The following AHCYL2 variants were observed in gnomAD, a reference collection of about 807,000 sequenced individuals.
The protein encoded by AHCYL2 is adenosylhomocysteinase like 2.
Under a neutral mutation model 81.4 loss-of-function variants are expected in AHCYL2, and 28 were observed. The ratio of observed to expected loss-of-function variants is 0.34; its 90% confidence interval spans 0.25 to 0.47. AHCYL2 has a LOEUF of 0.47. Ranked by LOEUF, AHCYL2 falls within the 20% of genes least tolerant of loss-of-function variation. The pLI is 1.00. For synonymous variants in AHCYL2, 272 were observed against 290.2 expected (o/e 0.94, Z 0.64); for missense variants, 551 against 785.1 (o/e 0.70, Z 3.56).
rs1056316869 is a variant in AHCYL2, at chr7:129,322,037, A to G, written c.364-57601A>G. ...GTGATCCACCTGCCTTGGCCCCCCAAAGTGCTGGGATTACAGGCTAGTTCT... is the reference window on the plus strand; with the variant it reads ...GTGATCCACCTGCCTTGGCCCCCCAGAGTGCTGGGATTACAGGCTAGTTCT... On this transcript the variant is annotated intron_variant, in intron 1 of 16. Transcript: ENST00000325006. Among the ~76,000 whole-genome samples, 30 of 151,424 alleles carry G rather than the reference A, an allele frequency of 2.0e-4. 1 individual carries two copies. Among genetic ancestry groups the G allele is most frequent in the Middle Eastern group, 7.0e-3 (2 of 286 alleles).
In AHCYL2 at chr7:129,280,889, G is replaced by C. The variant is rs562929235; in HGVS notation, c.363+55450G>C. 3.7e-4 allele frequency among the ~76,000 whole-genome samples: 55 copies of C among 147,918 alleles called. No individual in the cohort carries two copies. In the Middle Eastern group the frequency reaches 0.01, roughly 28 times the overall value. ...ATTCTTTTTTTTTTTTTTTGAGACAGAGTCTCGCTCTGTCGCCCAGGCTGG... is the reference window on the plus strand; with the variant it reads ...ATTCTTTTTTTTTTTTTTTGAGACACAGTCTCGCTCTGTCGCCCAGGCTGG... On this transcript the variant is annotated intron_variant, in intron 1 of 16. Transcript: ENST00000325006.
At chr7:129,369,837 C>T (rs1037534426) in intron 1 of AHCYL2, among the ~76,000 whole-genome samples, 2 of 152,106 alleles carry the variant, frequency 1.3e-5, no homozygotes, top group African/African-American at 4.8e-5. Context: ...CAGGTGTGAG[C>T]CACCACGCTC....
Position 129,266,124 on chromosome 7 carries a change from C to T in AHCYL2, c.363+40685C>T, listed in dbSNP as rs1795803545. On this transcript the variant is annotated intron_variant, in intron 1 of 16. Transcript: ENST00000325006. Reference sequence around the variant, plus strand: ...GTTTTAGTATATTCCTGTTTCTTGTCTCCTTTTCTTTTTTCTCAGTGCACA... The same window carrying T: ...GTTTTAGTATATTCCTGTTTCTTGTTTCCTTTTCTTTTTTCTCAGTGCACA... 2.0e-5 allele frequency among the ~76,000 whole-genome samples: 3 copies of T among 152,172 alleles called. No individual in the cohort carries two copies. The South Asian group carries it at 6.2e-4, about 32-fold the overall frequency.
In AHCYL2 at chr7:129,379,738, G is replaced by T; in HGVS notation, c.464G>T (p.Ser155Ile). The stretch of plus-strand genomic sequence containing the variant: ...TCCATTTCTCAGTCATCTACTGACA[G>T]CTACAGCTCAGGTGAGTACTGAACT... ...SRSISQSSTD[S>I]YSSAASYTDS... The change falls in exon 2 of 17, where the codon AGC becomes ATC. Residue 155 changes from serine (S) to isoleucine (I), a missense_variant. This residue lies in a region of AHCYL2 where 235 missense variants were observed against 242.1 expected (regional missense o/e 0.97). Coordinates refer to ENST00000325006, the MANE Select transcript of AHCYL2 (RefSeq NM_015328.4). 6.2e-7 allele frequency: 1 copy of T among 1,613,928 alleles called. No homozygotes were observed. Among genetic ancestry groups the T allele is most frequent in the Non-Finnish European group, 8.5e-7 (1 of 1,179,908 alleles).
chr7:129,278,453 T>TA (rs1796302538), intron 1 of AHCYL2, among the ~76,000 whole-genome samples: 1 of 152,208 alleles, frequency 6.6e-6, no homozygotes, highest in Admixed American at 6.5e-5. Context: ...ATATTCTAGA[T>TA]ATAAGTCCTT....
chr7:129,282,634 A>G (rs2150741398), intron 1 of AHCYL2, among the ~76,000 whole-genome samples: 1 of 152,254 alleles, frequency 6.6e-6, no homozygotes, highest in Middle Eastern at 3.4e-3. Flanking sequence ...TTGTCTGCTA[A>G]TTCTAACATA....
intron 12 of AHCYL2, among the ~76,000 whole-genome samples, chr7:129,417,532 G>A (rs142186724): frequency 1.4e-4 from 22 of 152,320 alleles, no homozygotes; most frequent in African/African-American, 5.3e-4. Context: ...GTATTGCCAG[G>A]TGGCCCCCAT....
At chr7:129,249,152 T>G (rs1230324686) in intron 1 of AHCYL2, among the ~76,000 whole-genome samples, 2 of 151,214 alleles carry the variant, frequency 1.3e-5, no homozygotes, top group East Asian at 3.9e-4. Flanking sequence ...CAGGCACCAC[T>G]GTGCCTGGCT....
intron 1 of AHCYL2, among the ~76,000 whole-genome samples, chr7:129,370,373 G>C (rs569716850): frequency 1.4e-5 from 2 of 146,956 alleles, no homozygotes; most frequent in East Asian, 4.1e-4. Flanking sequence ...CAGCTCTTTA[G>C]TGTTGTGTCT....
chr7:129,255,919 G>A lies in AHCYL2; in HGVS notation c.363+30480G>A, dbSNP rs541115064. Among the ~76,000 whole-genome samples the A allele has an allele frequency of 1.3e-4, 20 of 152,090 alleles. 1 individual carries two copies. Among genetic ancestry groups the A allele is most frequent in the African/African-American group, 4.8e-4 (20 of 41,484 alleles). Reference sequence around the variant, plus strand: ...GCGGAGGTTGCAATGAGCTGAGATTGCACCATTACACTCCAGCTTGGGTGA... The same window carrying A: ...GCGGAGGTTGCAATGAGCTGAGATTACACCATTACACTCCAGCTTGGGTGA... On this transcript the variant is annotated intron_variant, in intron 1 of 16. Coordinates refer to ENST00000325006, the MANE Select transcript of AHCYL2 (RefSeq NM_015328.4).
intron 1 of AHCYL2, among the ~76,000 whole-genome samples, chr7:129,272,499 A>T (rs1563175451): frequency 6.6e-6 from 1 of 152,310 alleles, no homozygotes; most frequent in East Asian, 1.9e-4. Flanking sequence ...TACAATTTGC[A>T]TTGGCTTTGG....
At chr7:129,403,574 G>A in intron 7 of AHCYL2, 89 bp downstream of exon 7, 2 of 952,148 alleles carry the variant, frequency 2.1e-6, no homozygotes, top group Non-Finnish European at 3.0e-6. Context: ...GTTAAAAATT[G>A]GAGCCTGGGC....
Position 129,406,486 on chromosome 7 carries a change from T to A in AHCYL2, c.1295+20T>A. 1 of 1,609,378 alleles carries A rather than the reference T, an allele frequency of 6.2e-7. No individual in the cohort carries two copies. On this transcript the variant is annotated intron_variant, in intron 10 of 16. Transcript: ENST00000325006. The surrounding 1 kb of genome is among the most constrained non-coding windows in gnomAD (Gnocchi z 4.3). ...AGCCTGGTAAGCCTCTACGCTACCA[T>A]CTCACTTGCAATCTCGGAGCTGTCT...
chr7:129,226,328 A>G (rs1794215512), intron 1 of AHCYL2, among the ~76,000 whole-genome samples: 1 of 152,180 alleles, frequency 6.6e-6, no homozygotes, highest in South Asian at 2.1e-4. Context: ...TTGTCTATCC[A>G]TAGTTGTCTG....
At position 129,398,337 on chromosome 7, in the gene AHCYL2, A is replaced by T. The variant is rs572888847; in HGVS notation, c.823+1013A>T. ...ATTTCTTTTTTCTGTTTTTTTTTTT[A>T]AATTTAATTTAATTTTTATTTTTTA... On this transcript the variant is annotated intron_variant, in intron 5 of 16. Transcript: ENST00000325006. Among the ~76,000 whole-genome samples the T allele has an allele frequency of 1.6e-3, 224 of 142,532 alleles. 1 individual carries two copies. The highest frequency in any genetic ancestry group is 4.4e-3 in the African/African-American group (161 of 36,374). The allele number at this position is 142,532 out of a possible 152,430, so 93.5% of individuals were successfully genotyped here.
chr7:129,384,240 A>T (rs1441773403), intron 2 of AHCYL2, among the ~76,000 whole-genome samples: 1 of 149,334 alleles, frequency 6.7e-6, no homozygotes, highest in Non-Finnish European at 1.5e-5. Flanking sequence ...ATGATAATAT[A>T]TATCATATAT....
At chr7:129,236,948 C>T (rs988557496) in intron 1 of AHCYL2, among the ~76,000 whole-genome samples, 5 of 151,838 alleles carry the variant, frequency 3.3e-5, no homozygotes, top group African/African-American at 4.8e-5. Context: ...GTAAACAAAA[C>T]GGATAAAATC....
intron 5 of AHCYL2, among the ~76,000 whole-genome samples, chr7:129,399,319 C>T (rs1173966984): frequency 7.1e-6 from 1 of 141,842 alleles, no homozygotes; most frequent in Non-Finnish European, 1.5e-5. Context: ...TGGTGCCACG[C>T]ACCTGTAGTC....
chr7:129,377,690 A>G (rs1262504634), intron 1 of AHCYL2: 1 of 447,610 alleles, frequency 2.2e-6, no homozygotes, highest in Admixed American at 2.5e-5. Context: ...TTGGATCCAG[A>G]ATAGGCAATT....
Sources: gnomAD v4.1 joint callset for allele counts (sites outside exome capture counted in the v4.1 genomes callset) on GRCh38, gnomAD v4.1.1 for gene constraint, gnomAD v4.1.1 regional missense constraint, Gnocchi (gnomAD v3.1) non-coding constraint, MANE v1.5 for transcripts, NCBI Gene and HGNC (gene_info 2026-07-23, HGNC 2026-07-21) for gene names.